Variants in CNTNAP2 observed in about 807,000 individuals in gnomAD.
CNTNAP2 encodes the protein contactin-associated protein-like 2.
In CNTNAP2, 98 loss-of-function variants were observed where a neutral mutation model predicts 155.2. That is an observed-to-expected ratio of 0.63 (90% CI 0.54 to 0.75). The LOEUF is 0.75. Among genes scored for constraint, CNTNAP2 ranks in the 30% least tolerant of loss-of-function variants. CNTNAP2 has a pLI of 0.00. For missense variants in CNTNAP2, 1,727 were observed against 1,688.1 expected (o/e 1.02, Z -0.40); for synonymous variants, 651 against 631.2 (o/e 1.03, Z -0.47).
chr7:146,622,969 GA>G (rs958052407), intron 1 of CNTNAP2, among the ~76,000 whole-genome samples: 2 of 135,702 alleles, frequency 1.5e-5, no homozygotes, highest in Non-Finnish European at 3.1e-5. Flanking sequence ...AAAAAAAAAA[GA>G]AAAAAGAAAA....
At chr7:147,503,093 G>T (rs887654392) in intron 11 of CNTNAP2, among the ~76,000 whole-genome samples, 1 of 152,118 alleles carries the variant, frequency 6.6e-6, no homozygotes, top group Non-Finnish European at 1.5e-5. Context: ...TCACAGATTT[G>T]CAGTTTAGAA....
chr7:147,092,027 C>T (rs1800418002), intron 4 of CNTNAP2, among the ~76,000 whole-genome samples: 1 of 152,178 alleles, frequency 6.6e-6, no homozygotes, highest in Non-Finnish European at 1.5e-5. Context: ...GCGTGAGCCA[C>T]CACTCCTGGC....
At chr7:147,628,179 A>T (rs1010234702) in intron 12 of CNTNAP2, among the ~76,000 whole-genome samples, 23 of 152,202 alleles carry the variant, frequency 1.5e-4, no homozygotes, top group Admixed American at 1.5e-3. Context: ...GCACATAGTC[A>T]TTAGGTTATC....
intron 1 of CNTNAP2, among the ~76,000 whole-genome samples, chr7:146,222,658 A>AT (rs11461655): frequency 0.7 from 96,883 of 138,714 alleles, 34,662 homozygotes; most frequent in East Asian, 0.94. Context: ...GAAAAGGTAA[A>AT]TTTTTTTTTT....
chr7:148,348,245 C>T (rs1404961853), intron 21 of CNTNAP2, among the ~76,000 whole-genome samples: 2 of 152,124 alleles, frequency 1.3e-5, no homozygotes, highest in Non-Finnish European at 2.9e-5. Flanking sequence ...ACAACCTGGA[C>T]GTGCTTTTAG....
At chr7:147,910,046 C>A (rs1800034411) in intron 14 of CNTNAP2, among the ~76,000 whole-genome samples, 1 of 152,120 alleles carries the variant, frequency 6.6e-6, no homozygotes, top group African/African-American at 2.4e-5. Flanking sequence ...TTTATAGCAG[C>A]TGAGGGGAGT....
At chr7:146,141,955 T>G (rs1260132624) in intron 1 of CNTNAP2, among the ~76,000 whole-genome samples, 1 of 152,164 alleles carries the variant, frequency 6.6e-6, no homozygotes, top group Non-Finnish European at 1.5e-5. Flanking sequence ...GAGGGCTCAG[T>G]ATTGATTTGC....
chr7:148,116,475 C>T (rs1007109817), intron 15 of CNTNAP2, among the ~76,000 whole-genome samples: 1 of 151,562 alleles, frequency 6.6e-6, no homozygotes, highest in African/African-American at 2.4e-5. Flanking sequence ...ATTTCTCTCT[C>T]TCCAACCCCG....
At chr7:148,033,114 A>C (rs34258353) in intron 15 of CNTNAP2, among the ~76,000 whole-genome samples, 10,673 of 152,092 alleles carry the variant, frequency 0.07, 569 homozygotes, top group East Asian at 0.27. Flanking sequence ...TAAAAAGTTA[A>C]AGAACTACTG....
At chr7:147,347,001 A>T (rs965803699) in intron 9 of CNTNAP2, among the ~76,000 whole-genome samples, 3 of 152,136 alleles carry the variant, frequency 2.0e-5, no homozygotes, top group Non-Finnish European at 4.4e-5. Context: ...CACACTAGTC[A>T]TTGAGGATAT....
rs1230650062 is a variant in CNTNAP2 at position 148,037,388 on chromosome 7, G to A, written c.2383+59399G>A. Among the ~76,000 whole-genome samples the A allele has an allele frequency of 3.3e-5, 5 of 152,296 alleles. No individual in the cohort carries two copies. The South Asian group carries it at 1.0e-3, about 32-fold the overall frequency. On this transcript the variant is annotated intron_variant, in intron 15 of 23. Coordinates refer to ENST00000361727, the MANE Select transcript of CNTNAP2 (RefSeq NM_014141.6). ...ATAGTATGTGTATCAGACTGTCTCT[G>A]GGCCATGTCCAATCCGCAGCTGTGT...
chr7:147,190,637 G>A (rs1461322026), intron 8 of CNTNAP2, among the ~76,000 whole-genome samples: 1 of 152,142 alleles, frequency 6.6e-6, no homozygotes, highest in Admixed American at 6.5e-5. Context: ...GTGCATTCCA[G>A]TCATGGCAAT....
chr7:147,592,911 G>A (rs1416542097), intron 12 of CNTNAP2, among the ~76,000 whole-genome samples: 1 of 152,132 alleles, frequency 6.6e-6, no homozygotes, highest in African/African-American at 2.4e-5. Flanking sequence ...GTCATACCCT[G>A]CTGCTATGAA....
At chr7:147,992,510 C>A (rs1378003561) in intron 15 of CNTNAP2, among the ~76,000 whole-genome samples, 1 of 152,170 alleles carries the variant, frequency 6.6e-6, no homozygotes. Context: ...ACTGGCATAA[C>A]AAATTGCTCT....
At chr7:146,170,076 GAGTGC>G (rs1798368072) in intron 1 of CNTNAP2, among the ~76,000 whole-genome samples, 1 of 149,250 alleles carries the variant, frequency 6.7e-6, no homozygotes, top group African/African-American at 2.5e-5. Flanking sequence ...GCTGAGGCTG[GAGTGC>G]AGTGGTGCCA....
chr7:147,453,371 T>C (rs1213902357), intron 10 of CNTNAP2, among the ~76,000 whole-genome samples: 1 of 152,166 alleles, frequency 6.6e-6, no homozygotes, highest in African/African-American at 2.4e-5. Context: ...TACCATTAGA[T>C]ACTTTTCTCA....
At chr7:146,299,628 T>G (rs1800572897) in intron 1 of CNTNAP2, among the ~76,000 whole-genome samples, 1 of 152,064 alleles carries the variant, frequency 6.6e-6, no homozygotes, top group Non-Finnish European at 1.5e-5. Context: ...TCACCAACAC[T>G]GGCCTCAAGC....
At chr7:146,278,258 C>T (rs1031843542) in intron 1 of CNTNAP2, among the ~76,000 whole-genome samples, 1 of 152,088 alleles carries the variant, frequency 6.6e-6, no homozygotes, top group East Asian at 1.9e-4. Flanking sequence ...ATGTAATTTC[C>T]TGCATTTCTT....
chr7:146,151,270 C>T (rs1798032982), intron 1 of CNTNAP2, among the ~76,000 whole-genome samples: 1 of 151,924 alleles, frequency 6.6e-6, no homozygotes, highest in South Asian at 2.1e-4. Context: ...CTATGCAATA[C>T]ATTATTATTA....
Sources: allele counts gnomAD v4.1 joint callset (sites outside exome capture counted in the v4.1 genomes callset), GRCh38; gene constraint gnomAD v4.1.1; transcripts MANE v1.5; gene names NCBI Gene and HGNC (gene_info 2026-07-23, HGNC 2026-07-21).